Variants in DYNC2H1 observed in about 807,000 individuals in gnomAD.
DYNC2H1 encodes the protein dynein cytoplasmic 2 heavy chain 1.
A neutral mutation model predicts 570.0 loss-of-function variants in DYNC2H1; 410 were observed. The ratio of observed to expected loss-of-function variants is 0.72; its 90% CI spans 0.66 to 0.78. The LOEUF (loss-of-function observed/expected upper bound fraction) is 0.78, where lower values mean the gene tolerates loss of function less well. Among genes scored for constraint, DYNC2H1 ranks in the 30% least tolerant of loss-of-function variants. The pLI is 0.00. For synonymous variants in DYNC2H1, 1,688 were observed against 1,677.6 expected (o/e 1.01, Z -0.15); for missense variants, 4,865 against 5,046.4 (o/e 0.96, Z 1.09).
chr11:103,260,727 C>G (rs1381250451), intron 70 of DYNC2H1, among the ~76,000 whole-genome samples: 2 of 149,766 alleles, frequency 1.3e-5, no homozygotes, highest in African/African-American at 2.5e-5. Context: ...TCAAGTCATT[C>G]TCCTGCTTCA....
At position 103,395,492 on chromosome 11, in the gene DYNC2H1, TA is replaced by T. The variant is rs1942360406; in HGVS notation, c.12157-4170del. 2.0e-5 allele frequency among the ~76,000 whole-genome samples: 3 copies of T among 149,846 alleles called. No individual in the cohort carries two copies. Among genetic ancestry groups the T allele is most frequent in the Non-Finnish European group, 4.4e-5 (3 of 67,468 alleles). ...TATCATATATATATTTATGTATATG[TA>T]CACACACACACACACACACACACTT... On this transcript the variant is annotated intron_variant, in intron 83 of 88. Transcript: ENST00000375735. The surrounding 1 kb of genome is among the most constrained non-coding windows in gnomAD (Gnocchi z 4.3).
Position 103,395,109 on chromosome 11 carries a change from A to T in DYNC2H1, c.12157-4554A>T, listed in dbSNP as rs1456370393. Among the ~76,000 whole-genome samples the T allele has an allele frequency of 6.6e-6, 1 of 152,156 alleles. No homozygotes were observed. Among genetic ancestry groups the T allele is most frequent in the Non-Finnish European group, 1.5e-5 (1 of 68,034 alleles). On this transcript the variant is annotated intron_variant, in intron 83 of 88. Transcript: ENST00000375735. This position sits in a 1 kb window ranked among gnomAD's most constrained non-coding sequence, Gnocchi z 4.3. Reference sequence around the variant, plus strand: ...TTTAATCCAGATATGTAATATTTTGACCTTTCTGATCGTAGATGCTTGGGA... The same window carrying T: ...TTTAATCCAGATATGTAATATTTTGTCCTTTCTGATCGTAGATGCTTGGGA...
Position 103,256,336 on chromosome 11 carries a change from T to A in DYNC2H1, c.10461+96T>A. 1.6e-6 allele frequency: 2 copies of A among 1,250,394 alleles called. No homozygotes were observed. The highest frequency in any genetic ancestry group is 1.5e-5 in the South Asian group (1 of 67,508). 77.5% of individuals were successfully genotyped at this position (1,250,394 alleles called of 1,614,324 possible). A position where few individuals can be genotyped will look rare whatever the true frequency, so the allele number is the denominator to read the frequency against. On this transcript the variant is annotated intron_variant, in intron 68 of 88. Coordinates refer to ENST00000375735, the MANE Select transcript of DYNC2H1 (RefSeq NM_001377.3). The surrounding 1 kb of genome is among the most constrained non-coding windows in gnomAD (Gnocchi z 4.0). Reference sequence around the variant, plus strand: ...TAGAATCAGGTCCTCAGGGGAAAGATGATGTGAAAAGAAAAAAGCTATTCA... The same window carrying A: ...TAGAATCAGGTCCTCAGGGGAAAGAAGATGTGAAAAGAAAAAAGCTATTCA...
chr11:103,211,276 C>T (rs1466672901), intron 53 of DYNC2H1, among the ~76,000 whole-genome samples: 1 of 151,788 alleles, frequency 6.6e-6, no homozygotes, highest in Non-Finnish European at 1.5e-5. Flanking sequence ...AATACAGATG[C>T]AAATTGTGTC....
chr11:103,164,127 C>G (rs538397066), intron 30 of DYNC2H1, among the ~76,000 whole-genome samples: 1 of 152,154 alleles, frequency 6.6e-6, no homozygotes, highest in Non-Finnish European at 1.5e-5. Flanking sequence ...TCCTAGTACT[C>G]TGTCAACTTC....
rs554210156 is a variant in DYNC2H1 at position 103,201,500 on chromosome 11, A to G, written c.8197+1346A>G. 8.0e-4 allele frequency among the ~76,000 whole-genome samples: 122 copies of G among 152,290 alleles called. No homozygotes were observed. Among genetic ancestry groups the G allele is most frequent in the African/African-American group, 2.9e-3 (121 of 41,554 alleles). The stretch of plus-strand genomic sequence containing the variant: ...ATCACTAGGATAATTAAAAACAACA[A>G]CAACAACAACAACTAAAAACGAATT... On this transcript the variant is annotated intron_variant, in intron 50 of 88. Transcript: ENST00000375735. This position sits in a 1 kb window ranked among gnomAD's most constrained non-coding sequence, Gnocchi z 4.8.
chr11:103,456,205 C>A, intron 86 of DYNC2H1, 70 bp from the exon 87 acceptor site: 2 of 1,179,106 alleles, frequency 1.7e-6, no homozygotes, highest in Admixed American at 2.2e-5. Flanking sequence ...AGGACTATAT[C>A]TTCAGTTACT....
chr11:103,210,045 C>T, intron 53 of DYNC2H1, 85 bp downstream of exon 53: 1 of 1,310,666 alleles, frequency 7.6e-7, no homozygotes, highest in East Asian at 3.2e-5. Context: ...ATTAAAGATT[C>T]ATGATTATAA....
At chr11:103,207,219 G>C (rs1862963527) in intron 52 of DYNC2H1, among the ~76,000 whole-genome samples, 1 of 116,586 alleles carries the variant, frequency 8.6e-6, no homozygotes, top group Non-Finnish European at 1.7e-5. Context: ...CCGTGCCTGG[G>C]CCTGTTTTTT....
Position 103,241,680 on chromosome 11 carries a change from A to G in DYNC2H1, c.9820-2013A>G. ...AGGTGCAGCACCATGGTAACACTTC[A>G]CAGGCTATTTACTAACCACATCATT... On this transcript the variant is annotated intron_variant, in intron 63 of 88. Transcript: ENST00000375735. This position sits in a 1 kb window ranked among gnomAD's most constrained non-coding sequence, Gnocchi z 5.1. The G allele has an allele frequency of 1.4e-6, 1 of 689,786 alleles. No homozygotes were observed. The highest frequency in any genetic ancestry group is 2.4e-6 in the Non-Finnish European group (1 of 410,886). 42.7% of individuals were successfully genotyped at this position (689,786 alleles called of 1,614,324 possible). A position where few individuals can be genotyped will look rare whatever the true frequency, so the allele number is the denominator to read the frequency against.
intron 84 of DYNC2H1, among the ~76,000 whole-genome samples, chr11:103,409,288 G>A (rs148565982): frequency 1.3e-4 from 20 of 152,008 alleles, no homozygotes; most frequent in Non-Finnish European, 2.6e-4. Context: ...GGGTTATTCC[G>A]GTTTGATGTA....
In DYNC2H1 at chr11:103,326,595, ACT is replaced by A. The variant is rs1249922280; in HGVS notation, c.12039+2608_12039+2609del. ...GGAACAGCCCTTGGCTTGGGGTCAG[ACT>A]CTGGCAGCACTGGGGGATCTGAAGT... is the stretch of plus-strand genomic sequence containing the variant. On this transcript the variant is annotated intron_variant, in intron 82 of 88. Coordinates refer to ENST00000375735, the MANE Select transcript of DYNC2H1 (RefSeq NM_001377.3). This position sits in a 1 kb window ranked among gnomAD's most constrained non-coding sequence, Gnocchi z 6.1. 1.3e-5 allele frequency among the ~76,000 whole-genome samples: 2 copies of A among 152,016 alleles called. No homozygotes were observed. The highest frequency in any genetic ancestry group is 1.5e-5 in the Non-Finnish European group (1 of 68,006).
chr11:103,203,157 T>G lies in DYNC2H1; in HGVS notation c.8198-506T>G, dbSNP rs1862790347. 6.6e-6 allele frequency among the ~76,000 whole-genome samples: 1 copy of G among 152,216 alleles called. No individual in the cohort carries two copies. Among genetic ancestry groups the G allele is most frequent in the East Asian group, 1.9e-4 (1 of 5,202 alleles). ...AGATAAGAAGGAAGTAATTCATTATTAAATGATGTGATAAGTGCTAAAAAG... is the reference window on the plus strand; with the variant it reads ...AGATAAGAAGGAAGTAATTCATTATGAAATGATGTGATAAGTGCTAAAAAG... On this transcript the variant is annotated intron_variant, in intron 50 of 88. Coordinates refer to ENST00000375735, the MANE Select transcript of DYNC2H1 (RefSeq NM_001377.3). The surrounding 1 kb of genome is among the most constrained non-coding windows in gnomAD (Gnocchi z 4.7).
intron 34 of DYNC2H1, among the ~76,000 whole-genome samples, chr11:103,172,106 T>TG (rs2134971942): frequency 6.6e-6 from 1 of 152,328 alleles, no homozygotes; most frequent in African/African-American, 2.4e-5. Flanking sequence ...AGCCCAAGAA[T>TG]GTAAGACCAG....
At chr11:103,297,357 A>G (rs1866877172) in intron 75 of DYNC2H1, among the ~76,000 whole-genome samples, 1 of 152,194 alleles carries the variant, frequency 6.6e-6, no homozygotes, top group Non-Finnish European at 1.5e-5. Flanking sequence ...GTTGTTAAAC[A>G]GTTGTTTAAC....
At position 103,257,587 on chromosome 11, in the gene DYNC2H1, T is replaced by G. The variant is rs373393576; in HGVS notation, c.10462-21T>G. On this transcript the variant is annotated intron_variant, in intron 68 of 88. Coordinates refer to ENST00000375735, the MANE Select transcript of DYNC2H1 (RefSeq NM_001377.3). Reference sequence around the variant, plus strand: ...TCTAAGGTGTTTCCACCCTATCCCCTACTGATCTCTTGATCCATAGGAACG... The same window carrying G: ...TCTAAGGTGTTTCCACCCTATCCCCGACTGATCTCTTGATCCATAGGAACG... The G allele has an allele frequency of 1.6e-4, 263 of 1,601,922 alleles. No homozygotes were observed. In the African/African-American group the frequency reaches 3.2e-3, roughly 20 times the overall value.
Position 103,460,254 on chromosome 11 carries a change from G to C in DYNC2H1, c.12648+3898G>C, listed in dbSNP as rs141351362. ...CTATCCAATTGTCAGGAGAGTGAGG[G>C]AACACAAAACATGTATATTTAGTCT... On this transcript the variant is annotated intron_variant, in intron 87 of 88. Transcript: ENST00000375735. 6.4e-4 allele frequency among the ~76,000 whole-genome samples: 97 copies of C among 152,160 alleles called. 2 individuals carry two copies. In the East Asian group the frequency reaches 0.019, roughly 29 times the overall value.
rs531127628 is a variant in DYNC2H1, at chr11:103,192,098, A to G, written c.7542A>G (p.Gly2514=). 8.1e-6 allele frequency: 12 copies of G among 1,488,584 alleles called. No individual in the cohort carries two copies. Among genetic ancestry groups the G allele is most frequent in the African/African-American group, 5.5e-5 (4 of 72,558 alleles). 92.2% of individuals were successfully genotyped at this position (1,488,584 alleles called of 1,614,324 possible). Residue 2514 remains glycine, a splice_region_variant and synonymous_variant, in exon 47 of 89, where the codon GGA becomes GGG. Coordinates refer to ENST00000375735, the MANE Select transcript of DYNC2H1 (RefSeq NM_001377.3). ...LGLFRYDLEG[G]SSNHPLDYVL... ...TAAATAAAATTTTGCCTTTTCTAGG[A>G]TCCTCAAACCATCCACTAGATTATG...
Position 103,113,689 on chromosome 11 carries a change from C to T in DYNC2H1, c.348C>T (p.Phe116=), listed in dbSNP as rs776765795. 2.1e-5 allele frequency: 33 copies of T among 1,537,014 alleles called. No individual in the cohort carries two copies. Among genetic ancestry groups the T allele is most frequent in the Admixed American group, 1.8e-4 (8 of 43,944 alleles). Residue 116 remains phenylalanine (F), a synonymous_variant, in exon 2 of 89, where the codon TTC becomes TTT. Coordinates refer to ENST00000375735, the MANE Select transcript of DYNC2H1 (RefSeq NM_001377.3). ...SSLYQAVRQV[F]APMLLKDQEW... is the part of the protein sequence containing the mutation. ...TTTACCAAGCAGTACGGCAAGTATT[C>T]GCACCAATGTTGTTAAAGGTGAGAA...
Sources: allele counts gnomAD v4.1 joint callset (sites outside exome capture counted in the v4.1 genomes callset), GRCh38; gene constraint gnomAD v4.1.1; non-coding constraint Gnocchi (gnomAD v3.1); transcripts MANE v1.5; gene names NCBI Gene and HGNC (gene_info 2026-07-23, HGNC 2026-07-21).